Variants in CAMK2B observed in about 807,000 individuals in gnomAD.
CAMK2B encodes the protein calcium/calmodulin-dependent protein kinase type II subunit beta.
CAMK2B carries 27 observed loss-of-function variants against 93.7 expected under a neutral mutation model. The observed-to-expected ratio is 0.29, with a 90% CI of 0.21 to 0.40. The LOEUF is 0.40. Ranked by LOEUF, CAMK2B falls within the 10% of genes least tolerant of loss-of-function variation. The pLI is 1.00. For synonymous variants in CAMK2B, 374 were observed against 358.8 expected (o/e 1.04, Z -0.48); for missense variants, 568 against 895.8 (o/e 0.63, Z 4.67).
intron 2 of CAMK2B, among the ~76,000 whole-genome samples, chr7:44,274,642 T>C (rs2097014482): frequency 6.6e-6 from 1 of 152,254 alleles, no homozygotes; most frequent in Non-Finnish European, 1.5e-5. Context: ...TCCTCCCACC[T>C]GTTCAACTCT....
chr7:44,294,857 T>A (rs568160796), intron 1 of CAMK2B, among the ~76,000 whole-genome samples: 2 of 152,270 alleles, frequency 1.3e-5, no homozygotes, highest in South Asian at 4.1e-4. Flanking sequence ...GTCAGCTGGG[T>A]CCCAGCAAAC....
intron 8 of CAMK2B, among the ~76,000 whole-genome samples, 178 bp from the exon 9 acceptor site, chr7:44,242,832 CT>C (rs2096694059): frequency 6.6e-6 from 1 of 152,320 alleles, no homozygotes; most frequent in East Asian, 1.9e-4. Flanking sequence ...AGCCGGCCCC[CT>C]GACCTCTGCC....
At chr7:44,228,204 C>T (rs1028054763) in intron 19 of CAMK2B, among the ~76,000 whole-genome samples, 2 of 151,948 alleles carry the variant, frequency 1.3e-5, no homozygotes, top group African/African-American at 4.8e-5. Context: ...GGAGGCCTGG[C>T]CTGGCCCCAT....
intron 1 of CAMK2B, among the ~76,000 whole-genome samples, chr7:44,302,982 A>G (rs1228265512): frequency 2.6e-5 from 4 of 152,190 alleles, no homozygotes; most frequent in African/African-American, 9.6e-5. Context: ...TTGTTCATAA[A>G]TGATATGCCT....
intron 20 of CAMK2B, 143 bp downstream of exon 20, chr7:44,226,373 G>A: frequency 4.7e-6 from 3 of 641,092 alleles, no homozygotes; most frequent in Non-Finnish European, 7.2e-6. Context: ...GTGCTTCAAA[G>A]CAATTCCCTG....
At chr7:44,275,482 A>G (rs953514618) in intron 2 of CAMK2B, among the ~76,000 whole-genome samples, 1 of 152,242 alleles carries the variant, frequency 6.6e-6, no homozygotes, top group Non-Finnish European at 1.5e-5. Flanking sequence ...CAGTTTCCAA[A>G]GTAATGACAA....
At chr7:44,252,813 A>G (rs1414279152) in intron 5 of CAMK2B, among the ~76,000 whole-genome samples, 5 of 152,240 alleles carry the variant, frequency 3.3e-5, no homozygotes, top group Non-Finnish European at 7.3e-5. Flanking sequence ...GCAGGGGGAC[A>G]GGGCTCCGTT....
At chr7:44,288,597 C>T (rs1785788548) in intron 1 of CAMK2B, among the ~76,000 whole-genome samples, 1 of 152,142 alleles carries the variant, frequency 6.6e-6, no homozygotes, top group Non-Finnish European at 1.5e-5. Context: ...CCCCCGGGCA[C>T]CAAGCATATT....
chr7:44,229,141 C>T, intron 18 of CAMK2B: 1 of 633,526 alleles, frequency 1.6e-6, no homozygotes, highest in Non-Finnish European at 2.9e-6. Flanking sequence ...GAATTGAGGC[C>T]CGAGCCTCCA....
chr7:44,286,717 C>T lies in CAMK2B; in HGVS notation c.66-2492G>A, dbSNP rs1785230476. 6.6e-6 allele frequency among the ~76,000 whole-genome samples: 1 copy of T among 152,236 alleles called. No homozygotes were observed. Among genetic ancestry groups the T allele is most frequent in the Non-Finnish European group, 1.5e-5 (1 of 68,042 alleles). On this transcript the variant is annotated intron_variant, in intron 1 of 23. Coordinates refer to ENST00000395749, the MANE Select transcript of CAMK2B (RefSeq NM_001220.5). This position sits in a 1 kb window ranked among gnomAD's most constrained non-coding sequence, Gnocchi z 4.0. Reference sequence around the variant, plus strand: ...CTCTGCAGAAGGCTCCAGAGCCGCCCCTGCACCATCAGCCTAGGTCGGAGC... The same window carrying T: ...CTCTGCAGAAGGCTCCAGAGCCGCCTCTGCACCATCAGCCTAGGTCGGAGC...
chr7:44,292,629 G>A (rs1787173492), intron 1 of CAMK2B, among the ~76,000 whole-genome samples: 1 of 152,180 alleles, frequency 6.6e-6, no homozygotes, highest in South Asian at 2.1e-4. Flanking sequence ...GGCCTTGAAT[G>A]GGATCATCTG....
intron 1 of CAMK2B, among the ~76,000 whole-genome samples, chr7:44,322,188 C>T (rs1796279075): frequency 6.6e-6 from 1 of 152,190 alleles, no homozygotes; most frequent in South Asian, 2.1e-4. Flanking sequence ...GCACAGGTGT[C>T]AACAAGACTG....
intron 5 of CAMK2B, among the ~76,000 whole-genome samples, chr7:44,250,591 G>A (rs1184855773): frequency 6.7e-6 from 1 of 149,090 alleles, no homozygotes; most frequent in East Asian, 2.0e-4. Context: ...GTGCAGTGGC[G>A]CGAACTCGGC....
chr7:44,291,480 C>T (rs975513754), intron 1 of CAMK2B, among the ~76,000 whole-genome samples: 5 of 152,228 alleles, frequency 3.3e-5, no homozygotes, highest in Admixed American at 6.5e-5. Context: ...GGTGACCCTA[C>T]TGGAGACAAG....
At chr7:44,242,784 C>T (rs775108084) in intron 8 of CAMK2B, 130 bp from the exon 9 acceptor site, 5 of 662,024 alleles carry the variant, frequency 7.6e-6, no homozygotes, top group Admixed American at 2.3e-5. Flanking sequence ...CATTCCTTTG[C>T]CCCCACCTGT....
chr7:44,281,292 T>A (rs1267772890), intron 2 of CAMK2B, among the ~76,000 whole-genome samples: 2 of 152,192 alleles, frequency 1.3e-5, no homozygotes, highest in Non-Finnish European at 1.5e-5. Flanking sequence ...CAGACACTTG[T>A]GGGTCTTCAT....
At chr7:44,253,967 G>A (rs1332772617) in intron 5 of CAMK2B, among the ~76,000 whole-genome samples, 1 of 151,928 alleles carries the variant, frequency 6.6e-6, no homozygotes, top group Non-Finnish European at 1.5e-5. Context: ...AGCCCAGTGG[G>A]CAGGGAGTAA....
chr7:44,240,723 G>A lies in CAMK2B; in HGVS notation c.930C>T (p.Ala310=), dbSNP rs770392171. The change falls in exon 12 of 24, where the codon GCC becomes GCT. Residue 310 remains alanine, a synonymous_variant. Coordinates refer to ENST00000395749, the MANE Select transcript of CAMK2B (RefSeq NM_001220.5). ...AAGGCTCACCTGAGAAATTCCGTGT[G>A]GCCAGCATGGTGGTGAGGATGGCTC... ...LKGAILTTML[A]TRNFSVGRQT... The A allele has an allele frequency of 1.2e-6, 2 of 1,613,890 alleles. No individual in the cohort carries two copies. Among genetic ancestry groups the A allele is most frequent in the African/African-American group, 2.7e-5 (2 of 74,916 alleles).
At chr7:44,237,031 A>T (rs1013622747) in intron 13 of CAMK2B, among the ~76,000 whole-genome samples, 1 of 152,134 alleles carries the variant, frequency 6.6e-6, no homozygotes, top group African/African-American at 2.4e-5. Flanking sequence ...GGCTAGTTCC[A>T]CCCCACCCCC....
Sources: allele counts gnomAD v4.1 joint callset (sites outside exome capture counted in the v4.1 genomes callset), GRCh38; gene constraint gnomAD v4.1.1; non-coding constraint Gnocchi (gnomAD v3.1); transcripts MANE v1.5; gene names NCBI Gene and HGNC (gene_info 2026-07-23, HGNC 2026-07-21).